WDR41: variants seen among roughly 807,000 people sequenced by gnomAD.
WDR41 encodes WD repeat domain 41.
Under a neutral mutation model 69.3 loss-of-function variants are expected in WDR41, and 63 were observed. The observed-to-expected ratio is 0.91, with a 90% CI of 0.74 to 1.12. The LOEUF (loss-of-function observed/expected upper bound fraction) is 1.12, where lower values mean the gene tolerates loss of function less well. Ranked by LOEUF, WDR41 falls within the 50% of genes most tolerant of loss-of-function variation. WDR41 has a pLI of 0.00. For synonymous variants in WDR41, 185 were observed against 192.1 expected (o/e 0.96, Z 0.31); for missense variants, 543 against 534.5 (o/e 1.02, Z -0.16).
chr5:77,566,407 C>G (rs2112265954), intron 1 of WDR41, among the ~76,000 whole-genome samples: 1 of 152,232 alleles, frequency 6.6e-6, no homozygotes, highest in Non-Finnish European at 1.5e-5. Flanking sequence ...TTAGATAACT[C>G]TTAATTTATG....
chr5:77,515,433 G>A (rs55921077), intron 1 of WDR41, among the ~76,000 whole-genome samples: 12,571 of 152,102 alleles, frequency 0.083, 547 homozygotes, highest in Middle Eastern at 0.2. Context: ...TGACAACAAT[G>A]CCTTTCCCTG....
At chr5:77,592,634 C>A (rs761960209) in intron 1 of WDR41, among the ~76,000 whole-genome samples, 2 of 152,050 alleles carry the variant, frequency 1.3e-5, no homozygotes, top group Admixed American at 6.6e-5. Flanking sequence ...CCAAGAGAAA[C>A]CAGGATCAAT....
At chr5:77,490,714 AGGAAT>A (rs1429832304) in intron 1 of WDR41, among the ~76,000 whole-genome samples, 2 of 152,224 alleles carry the variant, frequency 1.3e-5, no homozygotes, top group African/African-American at 4.8e-5. Flanking sequence ...AAAACTTGCC[AGGAAT>A]GGGAGACCTG....
intron 8 of WDR41, among the ~76,000 whole-genome samples, chr5:77,441,910 A>G (rs1257404814): frequency 1.3e-5 from 2 of 152,220 alleles, no homozygotes; most frequent in African/African-American, 4.8e-5. Context: ...TGAAAAGGCA[A>G]AACAAATACA....
At chr5:77,482,555 G>C (rs1050511650) in intron 2 of WDR41, among the ~76,000 whole-genome samples, 1 of 151,546 alleles carries the variant, frequency 6.6e-6, no homozygotes, top group Non-Finnish European at 1.5e-5. Context: ...ATGCACCTCT[G>C]TCCTCTGTAT....
chr5:77,467,223 T>G (rs1800345147), intron 2 of WDR41, among the ~76,000 whole-genome samples: 1 of 151,964 alleles, frequency 6.6e-6, no homozygotes, highest in Non-Finnish European at 1.5e-5. Flanking sequence ...CAGATAACAT[T>G]TTACATACTA....
chr5:77,515,247 C>A (rs542811220), intron 1 of WDR41, among the ~76,000 whole-genome samples: 2 of 151,946 alleles, frequency 1.3e-5, no homozygotes, highest in Non-Finnish European at 2.9e-5. Context: ...TTAGAGTTTT[C>A]TATTTTTATT....
chr5:77,445,097 G>C (rs1230529507), intron 8 of WDR41, among the ~76,000 whole-genome samples: 1 of 152,084 alleles, frequency 6.6e-6, no homozygotes, highest in Non-Finnish European at 1.5e-5. Flanking sequence ...TGATAAAGGG[G>C]ACAGCACCAC....
intron 1 of WDR41, among the ~76,000 whole-genome samples, chr5:77,520,223 G>C (rs1289992955): frequency 6.6e-6 from 1 of 152,016 alleles, no homozygotes; most frequent in Non-Finnish European, 1.5e-5. Flanking sequence ...CTTGAAAAAG[G>C]GTCTACGCTA....
chr5:77,478,370 C>G (rs1039627766), intron 2 of WDR41, among the ~76,000 whole-genome samples: 2 of 151,976 alleles, frequency 1.3e-5, no homozygotes, highest in Admixed American at 6.6e-5. Context: ...GAGACATAAC[C>G]GAAAAAGAGA....
At chr5:77,501,122 C>G (rs1802012302) in intron 1 of WDR41, among the ~76,000 whole-genome samples, 1 of 152,236 alleles carries the variant, frequency 6.6e-6, no homozygotes, top group South Asian at 2.1e-4. Context: ...GTTTCCTAGC[C>G]AAGGGAAGCC....
At chr5:77,459,738 A>G (rs546683616) in intron 4 of WDR41, among the ~76,000 whole-genome samples, 1 of 152,374 alleles carries the variant, frequency 6.6e-6, no homozygotes, top group Non-Finnish European at 1.5e-5. Flanking sequence ...ACATTTACAT[A>G]CATGTATGTA....
chr5:77,599,117 A>G (rs1270129603), intron 1 of WDR41, among the ~76,000 whole-genome samples: 1 of 146,314 alleles, frequency 6.8e-6, no homozygotes, highest in Non-Finnish European at 1.5e-5. Context: ...TAACTAAAAC[A>G]TACGTTTTTT....
chr5:77,562,310 C>T (rs1743542660), intron 1 of WDR41, among the ~76,000 whole-genome samples: 1 of 152,182 alleles, frequency 6.6e-6, no homozygotes, highest in South Asian at 2.1e-4. Context: ...GAATGACAGA[C>T]TCTGAGATTA....
chr5:77,517,657 T>TATATATATATATATATATATATACAC (rs1491454629), intron 1 of WDR41, among the ~76,000 whole-genome samples: 3 of 136,654 alleles, frequency 2.2e-5, no homozygotes, highest in African/African-American at 8.2e-5. Flanking sequence ...TATATATATA[T>TATATATATATATATATATATATACAC]ACCAGGCTAA....
chr5:77,546,609 G>A (rs1743205539), intron 1 of WDR41, among the ~76,000 whole-genome samples: 1 of 152,094 alleles, frequency 6.6e-6, no homozygotes, highest in Non-Finnish European at 1.5e-5. Context: ...CCAATAACAA[G>A]CAGTGAGATT....
chr5:77,466,362 A>G (rs987075510), intron 2 of WDR41, among the ~76,000 whole-genome samples: 1 of 151,878 alleles, frequency 6.6e-6, no homozygotes, highest in African/African-American at 2.4e-5. Flanking sequence ...AATCTTTAGC[A>G]GCTTATGTTT....
chr5:77,614,483 C>A (rs2112346909), intron 1 of WDR41, among the ~76,000 whole-genome samples: 1 of 151,088 alleles, frequency 6.6e-6, no homozygotes, highest in South Asian at 2.1e-4. Context: ...ATGATGAGTT[C>A]ATGTCCTTTG....
chr5:77,615,410 A>T (rs900585570), intron 1 of WDR41, among the ~76,000 whole-genome samples: 3 of 152,172 alleles, frequency 2.0e-5, no homozygotes, highest in Non-Finnish European at 2.9e-5. Context: ...CAGATTTTTT[A>T]AAATGGGAAA....
Sources: gnomAD v4.1 joint callset for allele counts (sites outside exome capture counted in the v4.1 genomes callset) on GRCh38, gnomAD v4.1.1 for gene constraint, MANE v1.5 for transcripts, NCBI Gene and HGNC (gene_info 2026-07-23, HGNC 2026-07-21) for gene names.